The following FGF13 variants were observed in gnomAD, a reference collection of about 807,000 sequenced individuals.
The protein encoded by FGF13 is fibroblast growth factor 13, also known as fibroblast growth factor homologous factor 2.
FGF13 carries 2 observed loss-of-function variants against 19.5 expected under a neutral mutation model. The observed-to-expected ratio is 0.10, with a 90% CI of 0.04 to 0.32. The LOEUF (loss-of-function observed/expected upper bound fraction) is 0.32, where lower values mean the gene tolerates loss of function less well. FGF13 is among the 10% of genes least tolerant of loss of function. The pLI, the probability that FGF13 is intolerant of heterozygous loss-of-function variation, is 1.00. For synonymous variants in FGF13, 72 were observed against 76.9 expected, an observed-to-expected ratio of 0.94 and a Z score of 0.33; for missense variants, 113 against 192.7, an observed-to-expected ratio of 0.59 and a Z score of 2.45.
chrX:138,984,842 T>TGTGTGTGTG (rs1569436382), intron 1 of FGF13, among the ~76,000 whole-genome samples: 28 of 27,841 alleles, frequency 1.0e-3, no homozygotes, highest in East Asian at 8.5e-3. Context: ...GTGTGTGTGT[T>TGTGTGTGTG]TTAATTTTTG....
At chrX:138,985,037 T>G (rs1248421459) in intron 1 of FGF13, 1 of 372,198 alleles carries the variant, frequency 2.7e-6, no homozygotes, top group South Asian at 2.5e-5. Context: ...AGCTTCCTCC[T>G]GAAGAACTCA....
At chrX:138,875,367 T>A (rs963046138) in intron 1 of FGF13, among the ~76,000 whole-genome samples, 1 of 111,812 alleles carries the variant, frequency 8.9e-6, no homozygotes, top group Non-Finnish European at 1.9e-5. Context: ...CAGCAACAGA[T>A]GCAGGAAACA....
intron 1 of FGF13, among the ~76,000 whole-genome samples, chrX:138,965,833 T>A (rs1284416521): frequency 8.9e-6 from 1 of 112,143 alleles, no homozygotes; most frequent in African/African-American, 3.2e-5. Context: ...CCCTTTGATA[T>A]CTATAGCCCA....
chrX:138,762,803 C>T (rs966921037), intron 3 of FGF13, among the ~76,000 whole-genome samples: 2 of 112,117 alleles, frequency 1.8e-5, no homozygotes, highest in Admixed American at 1.9e-4. Context: ...CAATATCCAG[C>T]ATATAATAAT....
chrX:139,024,095 T>C (rs1199493984), intron 1 of FGF13, among the ~76,000 whole-genome samples: 1 of 110,895 alleles, frequency 9.0e-6, no homozygotes, highest in Non-Finnish European at 1.9e-5. Flanking sequence ...GGGCTGGGTC[T>C]TCTGTTCACA....
At chrX:139,157,115 T>G (rs755443943) in intron 1 of FGF13, among the ~76,000 whole-genome samples, 1 of 111,399 alleles carries the variant, frequency 9.0e-6, no homozygotes, top group South Asian at 3.8e-4. Flanking sequence ...ATTATTATCA[T>G]TATTATTATT....
chrX:138,934,727 T>C (rs1280072140), intron 1 of FGF13, among the ~76,000 whole-genome samples: 1 of 112,235 alleles, frequency 8.9e-6, no homozygotes, highest in Non-Finnish European at 1.9e-5. Context: ...AGCCAGTCCA[T>C]CATAAATCCT....
intron 3 of FGF13, among the ~76,000 whole-genome samples, chrX:138,668,789 G>A (rs1282024468): frequency 1.8e-5 from 2 of 110,756 alleles, no homozygotes; most frequent in East Asian, 5.7e-4. Flanking sequence ...AGAAAAAGCA[G>A]TGTTGTGAAA....
intron 1 of FGF13, among the ~76,000 whole-genome samples, chrX:139,077,941 G>A (rs2083343337): frequency 9.0e-6 from 1 of 111,465 alleles, no homozygotes; most frequent in South Asian, 3.8e-4. Flanking sequence ...GCAAGTGATG[G>A]AATCAGGAGT....
chrX:138,869,586 T>C (rs1158333649), intron 1 of FGF13, among the ~76,000 whole-genome samples: 1 of 112,097 alleles, frequency 8.9e-6, no homozygotes, highest in Non-Finnish European at 1.9e-5. Flanking sequence ...CCCAACATTG[T>C]ATTCATCAAT....
intron 3 of FGF13, among the ~76,000 whole-genome samples, chrX:138,847,406 T>C (rs2091190339): frequency 9.0e-6 from 1 of 111,498 alleles, no homozygotes; most frequent in Admixed American, 9.6e-5. Flanking sequence ...TTGGGGCCAT[T>C]GTACACTTGC....
intron 1 of FGF13, among the ~76,000 whole-genome samples, chrX:138,869,774 A>C (rs1458905234): frequency 8.9e-6 from 1 of 112,255 alleles, no homozygotes; most frequent in Non-Finnish European, 1.9e-5. Context: ...TAGAGAAATA[A>C]ATATTCCAAC....
chrX:138,972,501 C>T (rs949941593), intron 1 of FGF13, among the ~76,000 whole-genome samples: 2 of 108,066 alleles, frequency 1.9e-5, no homozygotes, highest in Non-Finnish European at 3.8e-5. Flanking sequence ...GGACTACAGG[C>T]GCCGGCCACC....
rs181311413 is a variant in FGF13, at chrX:138,967,248, A to G, written c.-112-102598T>C. ...CAGGAATTCACTTTGTCTATGTTGT[A>G]GGATAAGAATTTAATTAGATTATGT... is the stretch of plus-strand genomic sequence containing the variant. On this transcript the variant is annotated intron_variant, in intron 1 of 2. Coordinates refer to the FGF13 transcript ENST00000421460. Among the ~76,000 whole-genome samples the G allele has an allele frequency of 4.1e-3, 449 of 110,474 alleles. 3 individuals carry two copies. Among genetic ancestry groups the G allele is most frequent in the African/African-American group, 0.014 (427 of 30,344 alleles).
chrX:138,927,614 G>A (rs1022840263), intron 1 of FGF13, among the ~76,000 whole-genome samples: 10 of 111,992 alleles, frequency 8.9e-5, no homozygotes, highest in Non-Finnish European at 1.7e-4. Flanking sequence ...ACATGTCTTC[G>A]TAATAGATCT....
upstream of FGF13, chrX:139,205,023 C>T (rs1845032661): frequency 8.9e-6 from 1 of 112,345 alleles, no homozygotes; most frequent in African/African-American, 3.2e-5. Flanking sequence ...TAGAGAGCCA[C>T]GAATCAACAC....
intron 3 of FGF13, among the ~76,000 whole-genome samples, chrX:138,640,977 C>T (rs1374389856): frequency 9.0e-6 from 1 of 111,264 alleles, no homozygotes; most frequent in Non-Finnish European, 1.9e-5. Flanking sequence ...ACATGGGCTG[C>T]ACTGATTCCC....
At chrX:138,958,326 G>A (rs768034521) in intron 1 of FGF13, among the ~76,000 whole-genome samples, 3 of 111,862 alleles carry the variant, frequency 2.7e-5, no homozygotes, top group South Asian at 3.8e-4. Flanking sequence ...GATGGACTAC[G>A]TTTATTGATT....
At chrX:138,854,775 G>T (rs1169705386), downstream of FGF13, among the ~76,000 whole-genome samples, 3 of 111,159 alleles carry the variant, frequency 2.7e-5, no homozygotes, top group Admixed American at 2.9e-4. Context: ...ATTAGAAGAG[G>T]TTATACTAGC....
Sources: gnomAD v4.1 joint callset for allele counts (sites outside exome capture counted in the v4.1 genomes callset) on GRCh38, gnomAD v4.1.1 for gene constraint, MANE v1.5 for transcripts, NCBI Gene and HGNC (gene_info 2026-07-23, HGNC 2026-07-21) for gene names.